MANSC1: variants seen among roughly 807,000 people sequenced by gnomAD.
MANSC1 encodes the protein MANSC domain containing 1, also known as MANSC domain-containing protein 1.
A neutral mutation model predicts 14.1 loss-of-function variants in MANSC1; 13 were observed. The observed-to-expected ratio is 0.92, with a 90% CI of 0.60 to 1.46. The LOEUF (loss-of-function observed/expected upper bound fraction) is 1.46, where lower values mean the gene tolerates loss of function less well. Ranked by LOEUF, MANSC1 falls within the 40% of genes most tolerant of loss-of-function variation. The pLI is 0.00. For synonymous variants in MANSC1, 227 were observed against 200.7 expected (o/e 1.13, Z -1.11); for missense variants, 486 against 511.4 (o/e 0.95, Z 0.48).
intron 3 of MANSC1, among the ~76,000 whole-genome samples, chr12:12,332,251 T>C (rs1029620000): frequency 2.0e-5 from 3 of 152,200 alleles, no homozygotes; most frequent in African/African-American, 7.2e-5. Context: ...TCTCTTTTCC[T>C]TTTTCTTCCT....
rs144121972 is a variant in MANSC1 at position 12,341,357 on chromosome 12, C to A, written c.223+1735G>T. Among the ~76,000 whole-genome samples the A allele has an allele frequency of 3.1e-4, 47 of 152,304 alleles. No homozygotes were observed. In the East Asian group the frequency reaches 8.9e-3, roughly 29 times the overall value. On this transcript the variant is annotated intron_variant, in intron 2 of 3. Coordinates refer to ENST00000535902, the MANE Select transcript of MANSC1 (RefSeq NM_018050.4). ...CTGGGGAACTGAGGTGCATAATTCT[C>A]TTGACACTGGGATGTGTTCACCAAC...
chr12:12,345,194 G>C (rs1251563186), intron 1 of MANSC1, among the ~76,000 whole-genome samples: 2 of 149,720 alleles, frequency 1.3e-5, no homozygotes, highest in Non-Finnish European at 3.0e-5. Flanking sequence ...ATGGCGGGCA[G>C]CTGTAATCCC....
Position 12,330,845 on chromosome 12 carries a change from A to T in MANSC1, c.478T>A (p.Tyr160Asn). The T allele has an allele frequency of 6.2e-7, 1 of 1,614,076 alleles. No individual in the cohort carries two copies. The highest frequency in any genetic ancestry group is 8.5e-7 in the Non-Finnish European group (1 of 1,179,970). Residue 160 changes from tyrosine (Y) to asparagine (N), a missense_variant, in exon 4 of 4, where the codon TAT (tyrosine) becomes AAT (asparagine). Transcript: ENST00000535902. ...VTPLAHHHTD[Y>N]SKPTDISWRD... is the part of the protein sequence containing the mutation. ...CATGAGATATCGGTGGGCTTTGAAT[A>T]ATCTGTGTGATGATGGGCTAGGGGA...
At chr12:12,347,084 G>T (rs1220140117) in intron 1 of MANSC1, among the ~76,000 whole-genome samples, 3 of 152,136 alleles carry the variant, frequency 2.0e-5, no homozygotes, top group African/African-American at 4.8e-5. Flanking sequence ...GGACGGCGTT[G>T]TGGGGGTATG....
chr12:12,327,667 G>A lies in MANSC1; in HGVS notation c.*2360C>T, dbSNP rs1862724891. 6.6e-6 allele frequency: 1 copy of A among 152,212 alleles called. No individual in the cohort carries two copies. Among genetic ancestry groups the A allele is most frequent in the Admixed American group, 6.5e-5 (1 of 15,284 alleles). 9.4% of individuals were successfully genotyped at this position (152,212 alleles called of 1,614,324 possible). A position where few individuals can be genotyped will look rare whatever the true frequency, so the allele number is the denominator to read the frequency against. On this transcript the variant is annotated 3_prime_UTR_variant, in exon 4 of 4. Coordinates refer to ENST00000535902, the MANE Select transcript of MANSC1 (RefSeq NM_018050.4). Reference sequence around the variant, plus strand: ...TTACTAATCTGATTCTGGCCTACATGTGGATATTCAATAAATACTTGTTAA... The same window carrying A: ...TTACTAATCTGATTCTGGCCTACATATGGATATTCAATAAATACTTGTTAA...
chr12:12,348,475 A>G (rs978175220), intron 1 of MANSC1, among the ~76,000 whole-genome samples: 1 of 152,218 alleles, frequency 6.6e-6, no homozygotes, highest in African/African-American at 2.4e-5. Context: ...ATCTAACTGT[A>G]TGACGTTCTA....
intron 1 of MANSC1, among the ~76,000 whole-genome samples, chr12:12,346,181 G>A (rs1235824474): frequency 2.7e-5 from 3 of 113,060 alleles, no homozygotes; most frequent in Non-Finnish European, 5.9e-5. Flanking sequence ...GCTGAGGCAG[G>A]AGAATGGCAT....
intron 2 of MANSC1, 113 bp downstream of exon 2, chr12:12,342,979 C>A: frequency 1.3e-6 from 1 of 756,960 alleles, no homozygotes; most frequent in Admixed American, 2.3e-5. Flanking sequence ...GATTTTGTCA[C>A]TTATATTCAT....
intron 2 of MANSC1, among the ~76,000 whole-genome samples, chr12:12,340,309 T>C (rs1485977035): frequency 6.6e-6 from 1 of 152,198 alleles, no homozygotes; most frequent in Admixed American, 6.5e-5. Flanking sequence ...TCACCACCAC[T>C]GGTGCTAGTC....
Position 12,330,422 on chromosome 12 carries a change from C to T in MANSC1, c.901G>A (p.Ala301Thr), listed in dbSNP as rs748098987. Residue 301 changes from alanine (A) to threonine (T), a missense_variant, in exon 4 of 4, where the codon GCA (alanine) becomes ACA (threonine). Coordinates refer to ENST00000535902, the MANE Select transcript of MANSC1 (RefSeq NM_018050.4). ...GCCTGAAAGGTGGTAGTCAGAACTG[C>T]TGTTGTAGCCATTGCTTGGAGTGTA... ...AATLQAMATT[A>T]VLTTTFQAPT... 34 of 1,614,072 alleles carry T rather than the reference C, an allele frequency of 2.1e-5. No individual in the cohort carries two copies. Among genetic ancestry groups the T allele is most frequent in the Non-Finnish European group, 2.7e-5 (32 of 1,180,040 alleles).
At chr12:12,331,211 C>T (rs1023470785) in intron 3 of MANSC1, among the ~76,000 whole-genome samples, 1 of 152,188 alleles carries the variant, frequency 6.6e-6, no homozygotes, top group Non-Finnish European at 1.5e-5. Context: ...TGATACTTGA[C>T]ATTTCATTGA....
chr12:12,338,810 C>T (rs1250884129), intron 2 of MANSC1: 7 of 540,790 alleles, frequency 1.3e-5, no homozygotes, highest in Non-Finnish European at 2.3e-5. Flanking sequence ...GCTCCTGTCC[C>T]TCCTAAAGTC....
Position 12,329,892 on chromosome 12 carries a change from A to G in MANSC1, c.*135T>C. 1.3e-6 allele frequency: 1 copy of G among 750,058 alleles called. No homozygotes were observed. 46.5% of individuals were successfully genotyped at this position (750,058 alleles called of 1,614,324 possible). On this transcript the variant is annotated 3_prime_UTR_variant, in exon 4 of 4. Coordinates refer to ENST00000535902, the MANE Select transcript of MANSC1 (RefSeq NM_018050.4). The stretch of plus-strand genomic sequence containing the variant: ...CAAAGCAAGACTCTGTCTCCAAAAA[A>G]AAAAAAGGAAAGCAGAAGGGGGCAT...
intron 1 of MANSC1, among the ~76,000 whole-genome samples, chr12:12,345,479 G>A (rs1445350681): frequency 1.3e-5 from 2 of 152,268 alleles, no homozygotes; most frequent in Admixed American, 1.3e-4. Context: ...GGAATACGCT[G>A]CCTCAGTTAA....
At position 12,327,519 on chromosome 12, in the gene MANSC1, G is replaced by A. The variant is rs975420627; in HGVS notation, c.*2508C>T. On this transcript the variant is annotated 3_prime_UTR_variant, in exon 4 of 4. Transcript: ENST00000535902. ...CCATCACAACAAAGACTGCAGCAAG[G>A]TGGACAGAGAACTCCAAGAGAGCCA... 6.6e-6 allele frequency: 1 copy of A among 152,162 alleles called. No homozygotes were observed. Among genetic ancestry groups the A allele is most frequent in the African/African-American group, 2.4e-5 (1 of 41,434 alleles). 9.4% of individuals were successfully genotyped at this position (152,162 alleles called of 1,614,324 possible).
At chr12:12,345,873 A>T (rs917581155) in intron 1 of MANSC1, among the ~76,000 whole-genome samples, 4 of 152,218 alleles carry the variant, frequency 2.6e-5, no homozygotes, top group Admixed American at 2.6e-4. Flanking sequence ...ACCAAAATAG[A>T]TTTTAGAATG....
chr12:12,332,200 C>A (rs1862799548), intron 3 of MANSC1, among the ~76,000 whole-genome samples: 1 of 152,228 alleles, frequency 6.6e-6, no homozygotes, highest in Non-Finnish European at 1.5e-5. Flanking sequence ...AGGAAAGAAG[C>A]AGAGGAATGT....
intron 2 of MANSC1, among the ~76,000 whole-genome samples, chr12:12,340,015 T>C (rs947440174): frequency 2.0e-5 from 3 of 152,136 alleles, no homozygotes; most frequent in Non-Finnish European, 4.4e-5. Context: ...TCTCACTATG[T>C]TGCCTAGGCT....
rs961189019 is a variant in MANSC1 at position 12,329,840 on chromosome 12, C to T, written c.*187G>A. ...CGGAGGTTGCGGTGAGAGCCGAGAT[C>T]GTGCTACTGCACTCCAGCCTGGGCA... On this transcript the variant is annotated 3_prime_UTR_variant, in exon 4 of 4. Coordinates refer to ENST00000535902, the MANE Select transcript of MANSC1 (RefSeq NM_018050.4). 14 of 557,468 alleles carry T rather than the reference C, an allele frequency of 2.5e-5. No homozygotes were observed. Among genetic ancestry groups the T allele is most frequent in the South Asian group, 1.5e-4 (6 of 39,298 alleles). The allele number at this position is 557,468 out of a possible 1,614,324, so 34.5% of individuals were successfully genotyped here.
Sources: gnomAD v4.1 joint callset for allele counts (sites outside exome capture counted in the v4.1 genomes callset) on GRCh38, gnomAD v4.1.1 for gene constraint, MANE v1.5 for transcripts, NCBI Gene and HGNC (gene_info 2026-07-23, HGNC 2026-07-21) for gene names.